Variants in CORIN observed in about 807,000 individuals in gnomAD.
CORIN encodes corin, serine peptidase, also known as atrial natriuretic peptide-converting enzyme.
In CORIN, 117 loss-of-function variants were observed where a neutral mutation model predicts 125.3. The observed-to-expected ratio is 0.93, with a 90% confidence interval of 0.80 to 1.09. CORIN has a LOEUF of 1.09. Ranked by LOEUF, CORIN falls within the 50% of genes least tolerant of loss-of-function variation. The pLI is 0.00. For missense variants in CORIN, 1,253 were observed against 1,306.7 expected (o/e 0.96, Z 0.63); for synonymous variants, 450 against 466.4 (o/e 0.96, Z 0.45).
chr4:47,834,826 T>A (rs1410185582), intron 1 of CORIN, among the ~76,000 whole-genome samples: 4 of 152,170 alleles, frequency 2.6e-5, no homozygotes, highest in Admixed American at 6.5e-5. Context: ...CACCAGAATA[T>A]ACCACTATTA....
chr4:47,758,424 A>G (rs1246183467), intron 4 of CORIN, among the ~76,000 whole-genome samples: 1 of 152,178 alleles, frequency 6.6e-6, no homozygotes, highest in Non-Finnish European at 1.5e-5. Flanking sequence ...TCTAGAGTCA[A>G]TGCAATTCCT....
At chr4:47,661,259 T>C (rs992460864) in intron 12 of CORIN, among the ~76,000 whole-genome samples, 4 of 152,174 alleles carry the variant, frequency 2.6e-5, no homozygotes, top group African/African-American at 4.8e-5. Context: ...AGATCTAGTA[T>C]TTGATAGCAC....
chr4:47,626,991 TTG>T (rs1491028649), intron 16 of CORIN, among the ~76,000 whole-genome samples: 32 of 124,668 alleles, frequency 2.6e-4, no homozygotes, highest in Non-Finnish European at 3.8e-4. Flanking sequence ...GTTGTTGTTG[TTG>T]TTTTTTTTTT....
rs1338539138 is a variant in CORIN, at chr4:47,699,121, C to G, written c.800-6038G>C. 2.0e-5 allele frequency among the ~76,000 whole-genome samples: 3 copies of G among 152,176 alleles called. No individual in the cohort carries two copies. In the East Asian group the frequency reaches 5.8e-4, roughly 29 times the overall value. ...ACTAACTTCTGACTATAGGTTGGCTCAGGTCAAATAAACAATGACCATCCT... is the reference window on the plus strand; with the variant it reads ...ACTAACTTCTGACTATAGGTTGGCTGAGGTCAAATAAACAATGACCATCCT... On this transcript the variant is annotated intron_variant, in intron 5 of 21. Transcript: ENST00000273857.
intron 5 of CORIN, among the ~76,000 whole-genome samples, chr4:47,698,699 T>A (rs1324046344): frequency 6.6e-6 from 1 of 152,116 alleles, no homozygotes; most frequent in Non-Finnish European, 1.5e-5. Flanking sequence ...TGGGAGTCTA[T>A]TTATTGAGTA....
intron 5 of CORIN, among the ~76,000 whole-genome samples, chr4:47,724,886 C>T (rs1727516956): frequency 6.6e-6 from 1 of 152,172 alleles, no homozygotes; most frequent in Non-Finnish European, 1.5e-5. Flanking sequence ...ATAGGAGTGA[C>T]TGCAACATCA....
rs1463104140 is a variant in CORIN, at chr4:47,661,778, A to G, written c.1668T>C (p.Asp556=). Residue 556 remains aspartate, a synonymous_variant, in exon 12 of 22, where the codon GAT becomes GAC. Transcript: ENST00000273857. ...AATTTTCCTCTGGAAATTGACTGCAATCTGTGTCTTCAGGCCACTGTAGGC... is the reference window on the plus strand; with the variant it reads ...AATTTTCCTCTGGAAATTGACTGCAGTCTGTGTCTTCAGGCCACTGTAGGC... ...IVGLQWPEDT[D]CSQFPEENSD... 1 of 1,613,710 alleles carries G rather than the reference A, an allele frequency of 6.2e-7. No individual in the cohort carries two copies. The highest frequency in any genetic ancestry group is 1.7e-5 in the Admixed American group (1 of 60,006).
chr4:47,602,890 T>C (rs1372208316), intron 20 of CORIN, among the ~76,000 whole-genome samples: 1 of 152,156 alleles, frequency 6.6e-6, no homozygotes, highest in Non-Finnish European at 1.5e-5. Flanking sequence ...GTCTGGGTAC[T>C]GGGTCTCATT....
chr4:47,619,253 T>A (rs895645290), intron 19 of CORIN, among the ~76,000 whole-genome samples: 7 of 152,206 alleles, frequency 4.6e-5, no homozygotes, highest in Non-Finnish European at 5.9e-5. Context: ...TTTATCTACC[T>A]CTTCATAGCA....
At chr4:47,643,773 T>A (rs1723342269) in intron 14 of CORIN, among the ~76,000 whole-genome samples, 1 of 152,148 alleles carries the variant, frequency 6.6e-6, no homozygotes, top group Non-Finnish European at 1.5e-5. Flanking sequence ...CCTTTCTCCC[T>A]CCTTTCTTTA....
chr4:47,721,767 C>T (rs192995377), intron 5 of CORIN, among the ~76,000 whole-genome samples: 1 of 152,238 alleles, frequency 6.6e-6, no homozygotes, highest in East Asian at 1.9e-4. Context: ...TAGCACAGCA[C>T]TTAGTACATA....
rs1724883453 is a variant in CORIN at position 47,673,863 on chromosome 4, G to A, written c.1357+530C>T. 2.6e-5 allele frequency among the ~76,000 whole-genome samples: 4 copies of A among 152,168 alleles called. No individual in the cohort carries two copies. In the South Asian group the frequency reaches 8.3e-4, roughly 32 times the overall value. The stretch of plus-strand genomic sequence containing the variant: ...TTTAGCGCCTGTAATCCTAGCTACT[G>A]TGGAGGCTGAGGCAGAAGAATCACT... On this transcript the variant is annotated intron_variant, in intron 10 of 21. Coordinates refer to ENST00000273857, the MANE Select transcript of CORIN (RefSeq NM_006587.4).
intron 3 of CORIN, among the ~76,000 whole-genome samples, chr4:47,781,671 G>A (rs762498308): frequency 3.9e-5 from 6 of 152,174 alleles, no homozygotes; most frequent in Non-Finnish European, 8.8e-5. Context: ...AATCAACAAC[G>A]GTGGCTGGGC....
intron 12 of CORIN, among the ~76,000 whole-genome samples, chr4:47,655,956 A>C (rs1723955752): frequency 6.6e-6 from 1 of 152,076 alleles, no homozygotes; most frequent in Non-Finnish European, 1.5e-5. Context: ...CAAACAATAG[A>C]GGAGGAAGGA....
intron 2 of CORIN, among the ~76,000 whole-genome samples, chr4:47,799,206 G>A (rs1301075681): frequency 6.6e-6 from 1 of 151,648 alleles, no homozygotes; most frequent in Non-Finnish European, 1.5e-5. Flanking sequence ...CTGAATCCGT[G>A]TCTTTGTTAT....
chr4:47,669,591 CAG>C (rs1724649051), intron 10 of CORIN, among the ~76,000 whole-genome samples: 1 of 142,486 alleles, frequency 7.0e-6, no homozygotes, highest in Non-Finnish European at 1.5e-5. Context: ...TTTTTTGTGA[CAG>C]AGTCTCGCTC....
intron 5 of CORIN, 118 bp downstream of exon 5, chr4:47,744,284 G>T: frequency 1.0e-6 from 1 of 959,480 alleles, no homozygotes; most frequent in Non-Finnish European, 1.5e-6. Flanking sequence ...TGGTTACATG[G>T]ATCTTGTCAC....
intron 5 of CORIN, among the ~76,000 whole-genome samples, chr4:47,728,881 G>A (rs1727723633): frequency 6.6e-6 from 1 of 152,140 alleles, no homozygotes; most frequent in Admixed American, 6.5e-5. Flanking sequence ...CAGCTAGCTT[G>A]GCAAGAGAGT....
intron 3 of CORIN, among the ~76,000 whole-genome samples, chr4:47,785,188 AGACAACT>A (rs1428384517): frequency 6.6e-6 from 1 of 152,244 alleles, no homozygotes; most frequent in Non-Finnish European, 1.5e-5. Context: ...TGAAGAGCCA[AGACAACT>A]ATGGAGAAAA....
Sources: allele counts gnomAD v4.1 joint callset (sites outside exome capture counted in the v4.1 genomes callset), GRCh38; gene constraint gnomAD v4.1.1; transcripts MANE v1.5; gene names NCBI Gene and HGNC (gene_info 2026-07-23, HGNC 2026-07-21).